TRAFD1: variants seen among roughly 807,000 people sequenced by gnomAD.
The protein encoded by TRAFD1 is TRAF-type zinc finger domain containing 1, also known as TRAF-type zinc finger domain-containing protein 1.
TRAFD1 carries 38 observed loss-of-function variants against 65.3 expected under a neutral mutation model. The observed-to-expected ratio is 0.58, with a 90% CI of 0.45 to 0.76. The LOEUF is 0.76. TRAFD1 is among the 30% of genes least tolerant of loss of function. The pLI, the probability that TRAFD1 is intolerant of heterozygous loss-of-function variation, is 0.00. For missense variants in TRAFD1, 631 were observed against 712.6 expected (o/e 0.89, Z 1.30); for synonymous variants, 223 against 257.2 (o/e 0.87, Z 1.27).
intron 6 of TRAFD1, among the ~76,000 whole-genome samples, chr12:112,144,944 T>G (rs1566050433): frequency 6.6e-6 from 1 of 152,130 alleles, no homozygotes. Flanking sequence ...CCCAAACCTA[T>G]GTAAGGGGCC....
Position 112,153,004 on chromosome 12 carries a change from C to T in TRAFD1, c.*213C>T. On this transcript the variant is annotated 3_prime_UTR_variant, in exon 12 of 12. Transcript: ENST00000412615. ...GGGTGGCGGTTGAGGAACGCTTCAG[C>T]CTTAGCTGCTACCTTTCGGCAGCAG... 1.9e-6 allele frequency: 1 copy of T among 525,370 alleles called. No homozygotes were observed. Among genetic ancestry groups the T allele is most frequent in the Non-Finnish European group, 3.3e-6 (1 of 299,646 alleles). 32.5% of individuals were successfully genotyped at this position (525,370 alleles called of 1,614,324 possible).
At chr12:112,142,356 A>G (rs905886336) in intron 6 of TRAFD1, 61 bp downstream of exon 6, 6 of 1,507,682 alleles carry the variant, frequency 4.0e-6, no homozygotes, top group Non-Finnish European at 5.4e-6. Flanking sequence ...CTTAGGTTAT[A>G]CAATTCTTAT....
At chr12:112,140,172 G>C (rs1268084398) in intron 4 of TRAFD1, 1 of 318,972 alleles carries the variant, frequency 3.1e-6, no homozygotes, top group South Asian at 2.3e-5. Context: ...TGTAATCCCA[G>C]CACTTTGGGA....
intron 3 of TRAFD1, 37 bp from the exon 4 acceptor site, chr12:112,134,976 C>A (rs1566047892): frequency 6.2e-7 from 1 of 1,614,058 alleles, no homozygotes; most frequent in East Asian, 2.2e-5. Flanking sequence ...GCATATTGTC[C>A]CAAAGCCAAT....
At chr12:112,148,751 C>A (rs2030323200) in intron 8 of TRAFD1, among the ~76,000 whole-genome samples, 3 of 152,274 alleles carry the variant, frequency 2.0e-5, no homozygotes, top group African/African-American at 7.2e-5. Flanking sequence ...AATATGAAGT[C>A]ATTTTTCAGC....
Position 112,130,612 on chromosome 12 carries a change from T to C in TRAFD1, c.47+43T>C. 1 of 1,524,312 alleles carries C rather than the reference T, an allele frequency of 6.6e-7. No homozygotes were observed. The highest frequency in any genetic ancestry group is 1.4e-5 in the African/African-American group (1 of 73,198). The allele number at this position is 1,524,312 out of a possible 1,614,324, so 94.4% of individuals were successfully genotyped here. On this transcript the variant is annotated intron_variant, in intron 2 of 11. Transcript: ENST00000412615. This position sits in a 1 kb window ranked among gnomAD's most constrained non-coding sequence, Gnocchi z 4.4. ...AGAAATGTTAGTGGAATGAGGACAG[T>C]CAAGCTTAATCACTATCATTTCCTG...
intron 5 of TRAFD1, chr12:112,141,472 T>C (rs2030088497): frequency 2.1e-6 from 1 of 470,274 alleles, no homozygotes; most frequent in Non-Finnish European, 3.7e-6. Context: ...GTATCCCTTA[T>C]CCAAAATACT....
chr12:112,140,746 C>A, intron 4 of TRAFD1, 73 bp from the exon 5 acceptor site: 4 of 1,547,266 alleles, frequency 2.6e-6, no homozygotes, highest in Non-Finnish European at 3.5e-6. Flanking sequence ...ATACTCTTGG[C>A]TTTCCTTGCC....
intron 9 of TRAFD1, 100 bp from the exon 10 acceptor site, chr12:112,151,701 C>G: frequency 8.4e-7 from 1 of 1,194,244 alleles, no homozygotes; most frequent in Non-Finnish European, 1.2e-6. Context: ...CCTGGCTGAG[C>G]AGTTGTCTTC....
chr12:112,146,318 T>A (rs2030244046), intron 7 of TRAFD1, among the ~76,000 whole-genome samples: 2 of 146,850 alleles, frequency 1.4e-5, no homozygotes, highest in South Asian at 4.3e-4. Context: ...CTTGAGCCCA[T>A]GAGTTTAAGG....
At chr12:112,145,708 G>A (rs2030219203) in intron 7 of TRAFD1, 46 bp downstream of exon 7, 1 of 1,573,456 alleles carries the variant, frequency 6.4e-7, no homozygotes, top group Non-Finnish European at 8.7e-7. Flanking sequence ...TTGTATGCAG[G>A]CCATAATTGG....
At chr12:112,147,734 C>T (rs1445294145) in intron 7 of TRAFD1, among the ~76,000 whole-genome samples, 2 of 149,082 alleles carry the variant, frequency 1.3e-5, no homozygotes, top group Non-Finnish European at 3.0e-5. Flanking sequence ...TGCAGTGGTG[C>T]GATCTCGGCT....
chr12:112,151,956 A>G lies in TRAFD1; in HGVS notation c.1435A>G (p.Ser479Gly). The change falls in exon 10 of 12, where the codon AGC (serine) becomes GGC (glycine). Residue 479 changes from serine (S) to glycine (G), a missense_variant. Ser to Gly is a moderately conservative substitution (Grantham distance 56). Coordinates refer to ENST00000412615, the MANE Select transcript of TRAFD1 (RefSeq NM_006700.3). ...AGGCCCCAGACCTGGGTGCCAGCCC[A>G]GCTCTCCTTGTGTGCCGAAGCTCAG... ...TSGPRPGCQPSSPCVPKLSNS... is the reference protein window; with the variant it reads ...TSGPRPGCQPGSPCVPKLSNS... 1 of 1,614,212 alleles carries G rather than the reference A, an allele frequency of 6.2e-7. No individual in the cohort carries two copies. The highest frequency in any genetic ancestry group is 8.5e-7 in the Non-Finnish European group (1 of 1,180,034).
In TRAFD1 at chr12:112,140,808, C is replaced by G; in HGVS notation, c.238-11C>G. ...TATGCATATTAACTGCCTCATTCCT[C>G]TGTTTTGTAGGAGACTGAGTGCCCT... is the stretch of plus-strand genomic sequence containing the variant. On this transcript the variant is annotated splice_polypyrimidine_tract_variant and intron_variant, in intron 4 of 11. Coordinates refer to ENST00000412615, the MANE Select transcript of TRAFD1 (RefSeq NM_006700.3). 1 of 1,612,308 alleles carries G rather than the reference C, an allele frequency of 6.2e-7. No homozygotes were observed. Among genetic ancestry groups the G allele is most frequent in the South Asian group, 1.1e-5 (1 of 91,058 alleles).
chr12:112,152,171 G>T lies in TRAFD1; in HGVS notation c.1619+31G>T. ...AATCAGTAGCCCAGGAATGGGGCTT[G>T]GGAGTAGCTGAAGCGAACATGGGCA... On this transcript the variant is annotated intron_variant, in intron 10 of 11. Coordinates refer to ENST00000412615, the MANE Select transcript of TRAFD1 (RefSeq NM_006700.3). This position sits in a 1 kb window ranked among gnomAD's most constrained non-coding sequence, Gnocchi z 5.0. The T allele has an allele frequency of 6.3e-7, 1 of 1,587,638 alleles. No homozygotes were observed. The highest frequency in any genetic ancestry group is 8.6e-7 in the Non-Finnish European group (1 of 1,166,382).
rs1408450846 is a variant in TRAFD1 at position 112,148,305 on chromosome 12, G to T, written c.1158+1G>T. 6.2e-7 allele frequency: 1 copy of T among 1,613,780 alleles called. No individual in the cohort carries two copies. Among genetic ancestry groups the T allele is most frequent in the East Asian group, 2.2e-5 (1 of 44,882 alleles). ...AGAGGAGGTGCTGTTCCATCACCAG[G>T]TAAGGGTCCCTGGAGTCCCTGTCCA... is the stretch of plus-strand genomic sequence containing the variant. On this transcript the variant is annotated splice_donor_variant, in intron 8 of 11. Transcript: ENST00000412615. LOFTEE classifies it high-confidence loss of function.
intron 1 of TRAFD1, among the ~76,000 whole-genome samples, chr12:112,128,940 C>T (rs990631310): frequency 4.0e-5 from 6 of 148,940 alleles, no homozygotes; most frequent in Admixed American, 3.4e-4. Flanking sequence ...ACTCAGGAGG[C>T]TGAGGTCGAG....
chr12:112,140,025 A>G, intron 4 of TRAFD1: 1 of 198,990 alleles, frequency 5.0e-6, no homozygotes, highest in Non-Finnish European at 1.1e-5. Context: ...AAATAATAAT[A>G]ATAAATGAAA....
chr12:112,146,987 G>GTT (rs547077120), intron 7 of TRAFD1, among the ~76,000 whole-genome samples: 1,382 of 52,526 alleles, frequency 0.026, 462 homozygotes, highest in African/African-American at 0.071. Flanking sequence ...GGGAACTTCT[G>GTT]TTTTTTTTTT....
Sources: allele counts gnomAD v4.1 joint callset (sites outside exome capture counted in the v4.1 genomes callset), GRCh38; gene constraint gnomAD v4.1.1; non-coding constraint Gnocchi (gnomAD v3.1); transcripts MANE v1.5; gene names NCBI Gene and HGNC (gene_info 2026-07-23, HGNC 2026-07-21).